WIPF1: variants seen among roughly 807,000 people sequenced by gnomAD.
WIPF1 encodes the protein WAS/WASL interacting protein family member 1.
Under a neutral mutation model 35.4 loss-of-function variants are expected in WIPF1, and 13 were observed. The observed-to-expected ratio is 0.37, with a 90% CI of 0.24 to 0.58. The LOEUF (loss-of-function observed/expected upper bound fraction) is 0.58, where lower values mean the gene tolerates loss of function less well. Ranked by LOEUF, WIPF1 falls within the 20% of genes least tolerant of loss-of-function variation. The probability of loss-of-function intolerance (pLI) is 0.74; values close to 1 mark genes in which losing one functional copy is unlikely to be tolerated. For missense variants in WIPF1, 591 were observed against 667.0 expected (o/e 0.89, Z 1.25); for synonymous variants, 267 against 266.3 (o/e 1.00, Z -0.02).
At chr2:174,651,908 T>C (rs936042550) in intron 1 of WIPF1, among the ~76,000 whole-genome samples, 8 of 152,216 alleles carry the variant, frequency 5.3e-5, no homozygotes, top group African/African-American at 1.9e-4. Flanking sequence ...ACACTGGAGC[T>C]GGACAATCTA....
At chr2:174,574,897 G>A (rs1183635324) in intron 4 of WIPF1, 1 of 717,106 alleles carries the variant, frequency 1.4e-6, no homozygotes, top group Non-Finnish European at 2.6e-6. Flanking sequence ...TCCAGGGCCA[G>A]CAAGTTCTAT....
chr2:174,635,525 GTTTGTTTTTTTT>G (rs1408956857), intron 1 of WIPF1, among the ~76,000 whole-genome samples: 110 of 126,190 alleles, frequency 8.7e-4, no homozygotes, highest in African/African-American at 3.0e-3. Context: ...GGTGCCTTCT[GTTTGTTTTTTTT>G]TTTTTTTTTT....
At chr2:174,624,944 C>T (rs1039963989) in intron 1 of WIPF1, among the ~76,000 whole-genome samples, 5 of 152,198 alleles carry the variant, frequency 3.3e-5, no homozygotes, top group Non-Finnish European at 5.9e-5. Context: ...AGCGTTCTGA[C>T]AACTGGCACT....
At chr2:174,619,568 A>G (rs1160435824) in intron 1 of WIPF1, among the ~76,000 whole-genome samples, 2 of 152,248 alleles carry the variant, frequency 1.3e-5, no homozygotes, top group Non-Finnish European at 2.9e-5. Context: ...GTATTGGATC[A>G]AAGAGTTTGA....
intron 1 of WIPF1, chr2:174,676,620 T>A (rs1484712293): frequency 6.6e-6 from 1 of 152,084 alleles, no homozygotes; most frequent in African/African-American, 2.4e-5. Context: ...TTAGACTTCT[T>A]TCTAGGTTTT....
chr2:174,581,983 GATTT>G (rs1685257274), intron 2 of WIPF1, among the ~76,000 whole-genome samples: 1 of 152,116 alleles, frequency 6.6e-6, no homozygotes, highest in African/African-American at 2.4e-5. Context: ...TTTTAAGTCA[GATTT>G]ATTAAGGTGT....
chr2:174,615,609 T>C (rs1421715554), intron 1 of WIPF1, among the ~76,000 whole-genome samples: 1 of 152,208 alleles, frequency 6.6e-6, no homozygotes, highest in African/African-American at 2.4e-5. Flanking sequence ...AGGTCATTCA[T>C]TGCTAAAAAT....
chr2:174,562,099 C>A lies in WIPF1; in HGVS notation c.*448G>T. The A allele has an allele frequency of 6.4e-7, 1 of 1,550,584 alleles. No homozygotes were observed. ...CTGTGACTGCAAGTTTCCAGTGAGCCCTTACTCAGCAGCTTGCTTAGGTGG... is the reference window on the plus strand; with the variant it reads ...CTGTGACTGCAAGTTTCCAGTGAGCACTTACTCAGCAGCTTGCTTAGGTGG... On this transcript the variant is annotated 3_prime_UTR_variant, in exon 8 of 8. Transcript: ENST00000679041.
At chr2:174,667,552 C>T (rs1293090207) in intron 1 of WIPF1, among the ~76,000 whole-genome samples, 1 of 152,200 alleles carries the variant, frequency 6.6e-6, no homozygotes, top group Non-Finnish European at 1.5e-5. Context: ...GATCCCTGGT[C>T]ATTGTTTTGC....
intron 1 of WIPF1, among the ~76,000 whole-genome samples, chr2:174,678,004 C>G (rs1182764256): frequency 6.6e-6 from 1 of 152,124 alleles, no homozygotes; most frequent in Non-Finnish European, 1.5e-5. Flanking sequence ...CATAAATAAA[C>G]AGAACTTACC....
intron 1 of WIPF1, among the ~76,000 whole-genome samples, chr2:174,624,233 A>G (rs1686757128): frequency 6.6e-6 from 1 of 152,224 alleles, no homozygotes; most frequent in Admixed American, 6.5e-5. Context: ...AGATGTAATA[A>G]CCACATTTCT....
intron 7 of WIPF1, among the ~76,000 whole-genome samples, chr2:174,562,985 TCTTCC>T (rs1376740584): frequency 6.6e-6 from 1 of 152,176 alleles, no homozygotes. Flanking sequence ...TTCCCCGTTT[TCTTCC>T]AGAAATAAGA....
At chr2:174,599,413 A>C (rs1026865139), upstream of WIPF1, among the ~76,000 whole-genome samples, 1 of 152,232 alleles carries the variant, frequency 6.6e-6, no homozygotes, top group Non-Finnish European at 1.5e-5. Context: ...GGCCATGGGC[A>C]CAGTTCCTGG....
chr2:174,678,113 A>G (rs1472814079), intron 1 of WIPF1, among the ~76,000 whole-genome samples: 2 of 152,222 alleles, frequency 1.3e-5, no homozygotes, highest in African/African-American at 4.8e-5. Context: ...GAAGAAAGAA[A>G]GGAAAGAAAG....
chr2:174,657,708 C>T (rs1687672686), intron 1 of WIPF1, among the ~76,000 whole-genome samples: 1 of 151,986 alleles, frequency 6.6e-6, no homozygotes, highest in African/African-American at 2.4e-5. Context: ...GCCTGACCAA[C>T]ATGGTGAAAC....
rs933988144 is a variant in WIPF1, at chr2:174,560,203, A to G, written c.*2344T>C. The G allele has an allele frequency of 1.3e-5, 2 of 152,592 alleles. No individual in the cohort carries two copies. Among genetic ancestry groups the G allele is most frequent in the African/African-American group, 2.4e-5 (1 of 41,450 alleles). The allele number at this position is 152,592 out of a possible 1,614,324, so 9.5% of individuals were successfully genotyped here. A position where few individuals can be genotyped will look rare whatever the true frequency, so the allele number is the denominator to read the frequency against. The stretch of plus-strand genomic sequence containing the variant: ...GAACTTATTCATAGTTTTAGATGCA[A>G]TTAGGTTGCAAACTTTCAAAGAAAG... On this transcript the variant is annotated 3_prime_UTR_variant, in exon 8 of 8. Transcript: ENST00000679041.
intron 1 of WIPF1, among the ~76,000 whole-genome samples, chr2:174,667,813 T>C (rs1026363417): frequency 1.3e-5 from 2 of 152,200 alleles, no homozygotes; most frequent in Non-Finnish European, 1.5e-5. Flanking sequence ...TTTTTCTTTA[T>C]GGAAAGGAAG....
At position 174,575,207 on chromosome 2, in the gene WIPF1, T is replaced by C; in HGVS notation, c.355A>G (p.Asn119Asp). The C allele has an allele frequency of 6.2e-7, 1 of 1,609,272 alleles. No individual in the cohort carries two copies. The highest frequency in any genetic ancestry group is 8.5e-7 in the Non-Finnish European group (1 of 1,177,090). ...GAGACAGGGAAACTCTCCTTACCAT[T>C]ATCCCTGTTGGCCGTGGATCTCAGC... ...PKLRSTANRD[N>D]DSGGSRPPLL... The change falls in exon 4 of 8, where the codon AAT (asparagine) becomes GAT (aspartate). Residue 119 changes from asparagine to aspartate, a missense_variant. By Grantham distance (23) the Asn-to-Asp change is conservative. This residue lies in a region of WIPF1 where 471 missense variants were observed against 501.1 expected (regional missense o/e 0.94). Transcript: ENST00000679041.
At chr2:174,647,534 T>C (rs577320052) in intron 1 of WIPF1, among the ~76,000 whole-genome samples, 19 of 152,036 alleles carry the variant, frequency 1.2e-4, no homozygotes, top group African/African-American at 4.6e-4. Flanking sequence ...CCACTATGCC[T>C]GGCTAATTTT....
Sources: allele counts gnomAD v4.1 joint callset (sites outside exome capture counted in the v4.1 genomes callset), GRCh38; gene constraint gnomAD v4.1.1; regional missense constraint gnomAD v4.1.1; transcripts MANE v1.5; gene names NCBI Gene and HGNC (gene_info 2026-07-23, HGNC 2026-07-21).